The following FERMT2 variants were observed in gnomAD, a reference collection of about 807,000 sequenced individuals.
The protein encoded by FERMT2 is fermitin family homolog 2.
A neutral mutation model predicts 82.7 loss-of-function variants in FERMT2; 15 were observed. That is an observed-to-expected ratio of 0.18 (90% CI 0.12 to 0.28). The LOEUF is 0.28. Among genes scored for constraint, FERMT2 ranks in the 10% least tolerant of loss-of-function variants. The pLI, the probability that FERMT2 is intolerant of heterozygous loss-of-function variation, is 1.00. For missense variants in FERMT2, 645 were observed against 809.4 expected, an observed-to-expected ratio of 0.80 and a Z score of 2.46; for synonymous variants, 274 against 271.5, an observed-to-expected ratio of 1.01 and a Z score of -0.09.
At chr14:52,937,017 C>T (rs1889868052) in intron 2 of FERMT2, among the ~76,000 whole-genome samples, 2 of 151,884 alleles carry the variant, frequency 1.3e-5, no homozygotes, top group Admixed American at 6.6e-5. Flanking sequence ...AAAAAATTAG[C>T]CAGGCATGGT....
rs905353268 is a variant in FERMT2, at chr14:52,919,064, C to T, written c.391+59G>A. The stretch of plus-strand genomic sequence containing the variant: ...ATCCCTTGGGATAAGCTATGTCAGT[C>T]ATCGGTCATCTGTACATCACATAAC... On this transcript the variant is annotated intron_variant, in intron 3 of 14. Transcript: ENST00000341590. 25 of 1,178,658 alleles carry T rather than the reference C, an allele frequency of 2.1e-5. No homozygotes were observed. In the Middle Eastern group the frequency reaches 7.0e-4, roughly 33 times the overall value. 73.0% of individuals were successfully genotyped at this position (1,178,658 alleles called of 1,614,324 possible). A position where few individuals can be genotyped will look rare whatever the true frequency, so the allele number is the denominator to read the frequency against.
intron 3 of FERMT2, among the ~76,000 whole-genome samples, chr14:52,898,503 T>A (rs1252412562): frequency 1.3e-5 from 2 of 152,354 alleles, no homozygotes; most frequent in East Asian, 3.8e-4. Context: ...AAGATTTATC[T>A]AATACAACTG....
At chr14:52,874,323 A>G (rs1885820990) in intron 8 of FERMT2, 97 bp from the exon 9 acceptor site, 1 of 629,042 alleles carries the variant, frequency 1.6e-6, no homozygotes, top group East Asian at 3.1e-5. Context: ...CTTAATAAAC[A>G]GAATGACATA....
chr14:52,880,323 A>G (rs1024387408), intron 6 of FERMT2, among the ~76,000 whole-genome samples: 1 of 152,216 alleles, frequency 6.6e-6, no homozygotes, highest in Non-Finnish European at 1.5e-5. Context: ...AGTAATTGAA[A>G]AGGTAACCTT....
chr14:52,874,174 T>C lies in FERMT2; in HGVS notation c.1148+3A>G, dbSNP rs770486127. On this transcript the variant is annotated splice_donor_region_variant and intron_variant, in intron 9 of 14. Coordinates refer to ENST00000341590, the MANE Select transcript of FERMT2 (RefSeq NM_006832.3). ...ATTTGGCATCCCTCCTTTTTGTACT[T>C]ACTTGAAAACTTTAATGTAGTCAGC... The C allele has an allele frequency of 4.4e-6, 7 of 1,580,470 alleles. No homozygotes were observed. Among genetic ancestry groups the C allele is most frequent in the Non-Finnish European group, 6.0e-6 (7 of 1,157,152 alleles).
At chr14:52,936,409 T>C (rs1299228660) in intron 2 of FERMT2, among the ~76,000 whole-genome samples, 1 of 152,218 alleles carries the variant, frequency 6.6e-6, no homozygotes, top group Admixed American at 6.5e-5. Context: ...GAATTTCCAA[T>C]GTGTAAAAAT....
At chr14:52,912,586 C>A (rs1888384147) in intron 3 of FERMT2, among the ~76,000 whole-genome samples, 1 of 151,492 alleles carries the variant, frequency 6.6e-6, no homozygotes, top group African/African-American at 2.4e-5. Flanking sequence ...TCATGGCTCA[C>A]TGCGACCTCC....
Position 52,864,825 on chromosome 14 carries a change from A to G in FERMT2, c.1302T>C (p.Ile434=), listed in dbSNP as rs1885172304. The G allele has an allele frequency of 1.2e-6, 2 of 1,611,452 alleles. No individual in the cohort carries two copies. Among genetic ancestry groups the G allele is most frequent in the African/African-American group, 1.3e-5 (1 of 74,894 alleles). ...RGCEVTPDVN[I]SGQKFNIKLL... ...GTTTAATGTTAAATTTTTGGCCTGAAATGTTTACATCTGGGGTAACTTCAC... is the reference window on the plus strand; with the variant it reads ...GTTTAATGTTAAATTTTTGGCCTGAGATGTTTACATCTGGGGTAACTTCAC... Residue 434 remains isoleucine, a synonymous_variant, in exon 11 of 15, where the codon ATT becomes ATC. Coordinates refer to ENST00000341590, the MANE Select transcript of FERMT2 (RefSeq NM_006832.3).
chr14:52,920,496 T>C (rs4901315), intron 2 of FERMT2, among the ~76,000 whole-genome samples: 13,926 of 151,500 alleles, frequency 0.092, 764 homozygotes, highest in Middle Eastern at 0.17. Context: ...TAGCCAGGCA[T>C]GGTGGCATGT....
rs1884774187 is a variant in FERMT2 at position 52,859,580 on chromosome 14, A to G, written c.1862T>C (p.Ile621Thr). 6.2e-7 allele frequency: 1 copy of G among 1,605,618 alleles called. No homozygotes were observed. Among genetic ancestry groups the G allele is most frequent in the Non-Finnish European group, 8.5e-7 (1 of 1,175,870 alleles). ...ACATTGTTATGAGTTTACCATTTTG[A>G]TTTCCCAGTTGACATTCCACTGTTT... ...NMKQWNVNWEIKMVTVEFADE... is the reference protein window; with the variant it reads ...NMKQWNVNWETKMVTVEFADE... Residue 621 changes from isoleucine (I) to threonine (T), a missense_variant, in exon 14 of 15, where the codon ATC becomes ACC. By Grantham distance (89) the Ile-to-Thr change is moderately conservative. Transcript: ENST00000341590.
At chr14:52,911,177 G>T (rs990891045) in intron 3 of FERMT2, among the ~76,000 whole-genome samples, 3 of 152,118 alleles carry the variant, frequency 2.0e-5, no homozygotes, top group Non-Finnish European at 4.4e-5. Flanking sequence ...CTGCTATAAC[G>T]CAAAAGCAAC....
In FERMT2 at chr14:52,867,100, T is replaced by C. The variant is rs569344942; in HGVS notation, c.1274-2247A>G. On this transcript the variant is annotated intron_variant, in intron 10 of 14. Coordinates refer to ENST00000341590, the MANE Select transcript of FERMT2 (RefSeq NM_006832.3). ...AGTTCATTAAAAAGCTTTGCCTCCT[T>C]TTTTTTTTTTTTTTTAAATAGAGAC... Among the ~76,000 whole-genome samples, 315 of 144,136 alleles carry C rather than the reference T, an allele frequency of 2.2e-3. 1 individual carries two copies. Among genetic ancestry groups the C allele is most frequent in the African/African-American group, 7.8e-3 (312 of 39,826 alleles). 94.6% of individuals were successfully genotyped at this position (144,136 alleles called of 152,430 possible). A position where few individuals can be genotyped will look rare whatever the true frequency, so the allele number is the denominator to read the frequency against.
Position 52,864,393 on chromosome 14 carries a change from G to GT in FERMT2, c.1602+7dup, listed in dbSNP as rs1566716353. 1 of 1,592,638 alleles carries GT rather than the reference G, an allele frequency of 6.3e-7. No homozygotes were observed. Among genetic ancestry groups the GT allele is most frequent in the East Asian group, 2.2e-5 (1 of 44,762 alleles). The stretch of plus-strand genomic sequence containing the variant: ...AGCACAGTAGATGAAGTAAAATGAA[G>GT]TAAGTACCTGCTTGTTCTTATACTT... On this transcript the variant is annotated splice_region_variant and intron_variant, in intron 12 of 14. Coordinates refer to ENST00000341590, the MANE Select transcript of FERMT2 (RefSeq NM_006832.3).
rs111747558 is a variant in FERMT2, at chr14:52,928,078, T to C, written c.158-8722A>G. ...TAAGTAAGCAACTTAGAGTTTGGAATGAAGAGGAGGTTAAAATATTACTTT... is the reference window on the plus strand; with the variant it reads ...TAAGTAAGCAACTTAGAGTTTGGAACGAAGAGGAGGTTAAAATATTACTTT... On this transcript the variant is annotated intron_variant, in intron 2 of 14. Coordinates refer to ENST00000341590, the MANE Select transcript of FERMT2 (RefSeq NM_006832.3). The C allele has an allele frequency of 3.2e-3, 1,055 of 331,988 alleles. 10 individuals carry two copies. Among genetic ancestry groups the C allele is most frequent in the African/African-American group, 0.022 (1,015 of 47,032 alleles). 20.6% of individuals were successfully genotyped at this position (331,988 alleles called of 1,614,324 possible).
rs781070641 is a variant in FERMT2 at position 52,881,290 on chromosome 14, T to C, written c.706A>G (p.Met236Val). Reference sequence around the variant, plus strand: ...TCAAGAAGAGCTTGAGGCTTGAACATTTTTGCCAAGATTTCTGGTGACGTG... The same window carrying C: ...TCAAGAAGAGCTTGAGGCTTGAACACTTTTGCCAAGATTTCTGGTGACGTG... The part of the protein sequence containing the change: ...PITSPEILAK[M>V]FKPQALLDKA... Residue 236 changes from methionine (M) to valine (V), a missense_variant, in exon 5 of 15, where the codon ATG (methionine) becomes GTG (valine). Physicochemically the swap from Met to Val is conservative, Grantham distance 21 (BLOSUM62 1). Coordinates refer to ENST00000341590, the MANE Select transcript of FERMT2 (RefSeq NM_006832.3). 3.7e-6 allele frequency: 6 copies of C among 1,614,092 alleles called. No individual in the cohort carries two copies. The Middle Eastern group carries it at 9.9e-4, about 266-fold the overall frequency.
intron 3 of FERMT2, among the ~76,000 whole-genome samples, chr14:52,900,704 G>A (rs915034275): frequency 3.1e-4 from 47 of 152,238 alleles, no homozygotes; most frequent in African/African-American, 1.1e-3. Flanking sequence ...TCATCAAACT[G>A]AGGCACAGAA....
Position 52,858,344 on chromosome 14 carries a change from T to C in FERMT2, c.*33A>G, listed in dbSNP as rs1343665692. 1 of 1,566,800 alleles carries C rather than the reference T, an allele frequency of 6.4e-7. No homozygotes were observed. Among genetic ancestry groups the C allele is most frequent in the Non-Finnish European group, 8.8e-7 (1 of 1,138,318 alleles). The stretch of plus-strand genomic sequence containing the variant: ...CAGCTTTTAAAGTTAAATATTGTTA[T>C]GGCCGTGGAGTTTCATTAAACAGTA... On this transcript the variant is annotated 3_prime_UTR_variant, in exon 15 of 15. Coordinates refer to ENST00000341590, the MANE Select transcript of FERMT2 (RefSeq NM_006832.3).
At chr14:52,882,176 A>G (rs552432600) in intron 4 of FERMT2, among the ~76,000 whole-genome samples, 12 of 152,326 alleles carry the variant, frequency 7.9e-5, no homozygotes, top group Non-Finnish European at 1.3e-4. Flanking sequence ...TTTATAGTAA[A>G]GTCTTCTCAG....
intron 4 of FERMT2, chr14:52,881,878 CAG>C: frequency 1.3e-6 from 1 of 768,900 alleles, no homozygotes; most frequent in South Asian, 1.6e-5. Flanking sequence ...AAGGCCACAA[CAG>C]AGGACAGAAA....
Sources: allele counts gnomAD v4.1 joint callset (sites outside exome capture counted in the v4.1 genomes callset), GRCh38; gene constraint gnomAD v4.1.1; transcripts MANE v1.5; gene names NCBI Gene and HGNC (gene_info 2026-07-23, HGNC 2026-07-21).